The following SHROOM4 variants were observed in gnomAD, a reference collection of about 807,000 sequenced individuals.
SHROOM4 encodes the protein shroom family member 4.
A neutral mutation model predicts 80.3 loss-of-function variants in SHROOM4; 17 were observed. That is an observed-to-expected ratio of 0.21 (90% confidence interval 0.14 to 0.32). The LOEUF is 0.32. Ranked by LOEUF, SHROOM4 falls within the 10% of genes least tolerant of loss-of-function variation. SHROOM4 has a pLI of 1.00. For synonymous variants in SHROOM4, 400 were observed against 437.5 expected (o/e 0.91, Z 1.07); for missense variants, 993 against 1,140.3 (o/e 0.87, Z 1.86).
rs1175810004 is a variant in SHROOM4 at position 50,713,834 on chromosome X, T to C, written c.118-17897A>G. Among the ~76,000 whole-genome samples, 4 of 111,910 alleles carry C rather than the reference T, an allele frequency of 3.6e-5. No individual in the cohort carries two copies. In the Admixed American group the frequency reaches 3.8e-4, roughly 11 times the overall value. ...TTTAAATTTAGCATGGTCCCATTTG[T>C]CTATTGTTGTTTTTGTTGCCTGTAC... On this transcript the variant is annotated intron_variant, in intron 1 of 8. Transcript: ENST00000376020.
rs926350450 is a variant in SHROOM4 at position 50,657,146 on chromosome X, A to C, written c.270-18838T>G. ...ACTGAATTCTTTTATTATTTCTAAG[A>C]GCCTTTTGGTGGACTTCTAGGGTTT... On this transcript the variant is annotated intron_variant, in intron 2 of 8. Coordinates refer to ENST00000376020, the MANE Select transcript of SHROOM4 (RefSeq NM_020717.5). Among the ~76,000 whole-genome samples the C allele has an allele frequency of 2.7e-5, 3 of 111,696 alleles. No homozygotes were observed. The East Asian group carries it at 8.4e-4, about 31-fold the overall frequency.
At chrX:50,662,097 A>G (rs1932529871) in intron 2 of SHROOM4, among the ~76,000 whole-genome samples, 1 of 111,116 alleles carries the variant, frequency 9.0e-6, no homozygotes, top group South Asian at 3.8e-4. Flanking sequence ...TCTCCAGGGA[A>G]ATTTAACGTA....
intron 1 of SHROOM4, among the ~76,000 whole-genome samples, chrX:50,753,560 A>C (rs1934967998): frequency 9.0e-6 from 1 of 111,658 alleles, no homozygotes; most frequent in Non-Finnish European, 1.9e-5. Flanking sequence ...TGAGCACTTA[A>C]ATGTGACTGG....
the SHROOM4 span, among the ~76,000 whole-genome samples, chrX:50,579,361 T>C: frequency 8.9e-6 from 1 of 112,024 alleles, no homozygotes; most frequent in African/African-American, 3.2e-5. Flanking sequence ...ATTGAGGCAT[T>C]CAACAGAACT....
chrX:50,680,900 G>A (rs782397607), intron 2 of SHROOM4, among the ~76,000 whole-genome samples: 38 of 110,339 alleles, frequency 3.4e-4, no homozygotes, highest in Non-Finnish European at 6.6e-4. Context: ...ACTTCTTCCC[G>A]TTACCCATAA....
At chrX:50,795,102 ATATATATATAT>A (rs1935955639) in intron 1 of SHROOM4, among the ~76,000 whole-genome samples, 3 of 46,585 alleles carry the variant, frequency 6.4e-5, no homozygotes, top group South Asian at 1.2e-3. Context: ...TATATATATG[ATATATATATAT>A]GATATATATA....
chrX:50,722,665 TCTCC>T (rs1230174193), intron 1 of SHROOM4, among the ~76,000 whole-genome samples: 1 of 110,608 alleles, frequency 9.0e-6, no homozygotes, highest in Non-Finnish European at 1.9e-5. Flanking sequence ...TCTCTCTCTC[TCTCC>T]ATGAATTTCT....
intron 1 of SHROOM4, among the ~76,000 whole-genome samples, chrX:50,798,198 G>C (rs1936054376): frequency 9.0e-6 from 1 of 110,772 alleles, no homozygotes; most frequent in African/African-American, 3.3e-5. Context: ...CAAGAGCATG[G>C]GAAAGAACAG....
chrX:50,707,865 T>A (rs1490695583), intron 1 of SHROOM4, among the ~76,000 whole-genome samples: 1 of 111,879 alleles, frequency 8.9e-6, no homozygotes, highest in Non-Finnish European at 1.9e-5. Flanking sequence ...AGTCAGAAGA[T>A]GAGAACAGGA....
In SHROOM4 at chrX:50,596,673, C is replaced by A. The variant is rs782695390; in HGVS notation, c.*22G>T. On this transcript the variant is annotated 3_prime_UTR_variant, in exon 9 of 9. Transcript: ENST00000376020. ...CTTCCCACATGGCTGGGCAGGGATG[C>A]TGTGGCAGAGTGCTGGTAGAATTAG... is the stretch of plus-strand genomic sequence containing the variant. 2 of 1,207,007 alleles carry A rather than the reference C, an allele frequency of 1.7e-6. No homozygotes were observed. The highest frequency in any genetic ancestry group is 4.3e-5 in the Admixed American group (2 of 46,082).
chrX:50,708,782 G>A (rs1311011343), intron 1 of SHROOM4, among the ~76,000 whole-genome samples: 2 of 111,378 alleles, frequency 1.8e-5, no homozygotes, highest in Non-Finnish European at 3.8e-5. Context: ...GTTAAACCTG[G>A]ACCCAGGAAG....
At chrX:50,618,433 G>T (rs1930418217) in intron 5 of SHROOM4, among the ~76,000 whole-genome samples, 2 of 95,112 alleles carry the variant, frequency 2.1e-5, no homozygotes, top group Admixed American at 1.2e-4. Flanking sequence ...TCTTATTTTT[G>T]AGACAGTGTC....
intron 1 of SHROOM4, among the ~76,000 whole-genome samples, chrX:50,813,136 TGGCGGCGGCGGCGGCGGCGGCAGTGGC>T (rs1252940092): frequency 9.2e-5 from 9 of 97,684 alleles, no homozygotes; most frequent in African/African-American, 1.5e-4. Flanking sequence ...AAACAAACCC[TGGCGGCGGCGGCGGCGGCGGCAGTGGC>T]GGCGGCGGCG....
intron 5 of SHROOM4, among the ~76,000 whole-genome samples, chrX:50,623,333 G>A (rs1487236804): frequency 9.0e-6 from 1 of 110,626 alleles, no homozygotes; most frequent in Non-Finnish European, 1.9e-5. Flanking sequence ...GATTACAGGC[G>A]CCTGCCACCA....
At chrX:50,716,216 G>A (rs1277207120) in intron 1 of SHROOM4, among the ~76,000 whole-genome samples, 2 of 107,199 alleles carry the variant, frequency 1.9e-5, no homozygotes, top group Non-Finnish European at 3.9e-5. Flanking sequence ...GGGGGAAGGG[G>A]GTTTGGGGAA....
At chrX:50,729,419 A>G (rs1183391391) in intron 1 of SHROOM4, among the ~76,000 whole-genome samples, 1 of 111,930 alleles carries the variant, frequency 8.9e-6, no homozygotes, top group Non-Finnish European at 1.9e-5. Context: ...GAAAGAATCA[A>G]TAAACTTGAA....
chrX:50,697,676 A>C (rs1424589083), intron 1 of SHROOM4, among the ~76,000 whole-genome samples: 1 of 111,959 alleles, frequency 8.9e-6, no homozygotes, highest in Non-Finnish European at 1.9e-5. Flanking sequence ...GCCACACTCA[A>C]CACCAAACAA....
chrX:50,588,399 A>G lies in SHROOM4; in HGVS notation c.*8296T>C, dbSNP rs1434960841. On this transcript the variant is annotated 3_prime_UTR_variant, in exon 9 of 9. Coordinates refer to ENST00000376020, the MANE Select transcript of SHROOM4 (RefSeq NM_020717.5). ...CATTCATTGGGTACTTATTGTCCTA[A>G]GTACTTTGCATGGATTAACTCAATA... Among the ~76,000 whole-genome samples the G allele has an allele frequency of 8.9e-6, 1 of 112,050 alleles. No homozygotes were observed. The highest frequency in any genetic ancestry group is 1.9e-5 in the Non-Finnish European group (1 of 53,220).
At chrX:50,795,017 C>A (rs1431071243) in intron 1 of SHROOM4, among the ~76,000 whole-genome samples, 1 of 55,838 alleles carries the variant, frequency 1.8e-5, no homozygotes, top group Non-Finnish European at 3.3e-5. Context: ...TTATATATAT[C>A]TTTATATATA....
Sources: allele counts gnomAD v4.1 joint callset (sites outside exome capture counted in the v4.1 genomes callset), GRCh38; gene constraint gnomAD v4.1.1; transcripts MANE v1.5; gene names NCBI Gene and HGNC (gene_info 2026-07-23, HGNC 2026-07-21).